CACNG2: variants seen among roughly 807,000 people sequenced by gnomAD.
The protein encoded by CACNG2 is calcium voltage-gated channel auxiliary subunit gamma 2, also known as voltage-dependent calcium channel gamma-2 subunit.
In CACNG2, 3 loss-of-function variants were observed where a neutral mutation model predicts 25.9. That is an observed-to-expected ratio of 0.12 (90% CI 0.05 to 0.30). The LOEUF (loss-of-function observed/expected upper bound fraction) is 0.30. CACNG2 is among the 10% of genes least tolerant of loss of function. CACNG2 has a pLI of 1.00. For synonymous variants in CACNG2, 167 were observed against 173.3 expected (o/e 0.96, Z 0.29); for missense variants, 341 against 432.5 (o/e 0.79, Z 1.88).
intron 2 of CACNG2, among the ~76,000 whole-genome samples, chr22:36,577,769 G>A (rs1935348815): frequency 6.6e-6 from 1 of 152,144 alleles, no homozygotes; most frequent in Non-Finnish European, 1.5e-5. Flanking sequence ...GCAGATGTGA[G>A]TGAGTACAAG....
At chr22:36,608,463 C>G (rs897626832) in intron 1 of CACNG2, among the ~76,000 whole-genome samples, 4 of 152,232 alleles carry the variant, frequency 2.6e-5, no homozygotes, top group African/African-American at 4.8e-5. Context: ...TCTGTTCTCT[C>G]TCTCTCAGTA....
chr22:36,651,119 T>A (rs1936606580), intron 1 of CACNG2, among the ~76,000 whole-genome samples: 1 of 152,126 alleles, frequency 6.6e-6, no homozygotes, highest in African/African-American at 2.4e-5. Context: ...ATTCTAGGCA[T>A]GCAAACACTG....
intron 2 of CACNG2, among the ~76,000 whole-genome samples, chr22:36,578,566 A>G (rs1315000824): frequency 1.3e-5 from 2 of 152,112 alleles, no homozygotes; most frequent in Non-Finnish European, 2.9e-5. Context: ...TATTCTAAGT[A>G]ACAACCTCGG....
chr22:36,664,389 G>T (rs987292694), intron 1 of CACNG2, among the ~76,000 whole-genome samples: 20 of 152,248 alleles, frequency 1.3e-4, no homozygotes, highest in African/African-American at 4.1e-4. Flanking sequence ...GCAGTGAACA[G>T]GATGAGCAAG....
In CACNG2 at chr22:36,643,514, ATCTATCT is replaced by A. The variant is rs1385089736; in HGVS notation, c.212-55973_212-55967del. Among the ~76,000 whole-genome samples, 3 of 151,002 alleles carry A rather than the reference ATCTATCT, an allele frequency of 2.0e-5. No homozygotes were observed. The East Asian group carries it at 5.8e-4, about 29-fold the overall frequency. Reference sequence around the variant, plus strand: ...TATCTATCTATCTATCTATCTATCTATCTATCTATCCATCATGTGCAGTGACCTGAAA... The same window carrying A: ...TATCTATCTATCTATCTATCTATCTAATCCATCATGTGCAGTGACCTGAAA... On this transcript the variant is annotated intron_variant, in intron 1 of 3. Transcript: ENST00000300105.
intron 1 of CACNG2, among the ~76,000 whole-genome samples, chr22:36,690,897 A>G (rs1937260283): frequency 6.6e-6 from 1 of 152,206 alleles, no homozygotes; most frequent in African/African-American, 2.4e-5. Flanking sequence ...ACATTGAGCA[A>G]TCTCACCGTA....
intron 1 of CACNG2, among the ~76,000 whole-genome samples, chr22:36,701,431 C>G (rs758357612): frequency 1.9e-4 from 29 of 152,160 alleles, no homozygotes; most frequent in Non-Finnish European, 3.7e-4. Flanking sequence ...AGCCTTTACA[C>G]CGTGGCGGCT....
chr22:36,573,636 T>G (rs9622418), intron 2 of CACNG2, among the ~76,000 whole-genome samples: 27,342 of 152,120 alleles, frequency 0.18, 3,066 homozygotes, highest in Admixed American at 0.27. Flanking sequence ...ATGGCCTATA[T>G]AGGTATTTTA....
chr22:36,583,301 CGG>C (rs1935450260), intron 2 of CACNG2, among the ~76,000 whole-genome samples: 1 of 151,878 alleles, frequency 6.6e-6, no homozygotes, highest in African/African-American at 2.4e-5. Flanking sequence ...GATGTGGTGG[CGG>C]GTGCCTGTAA....
intron 2 of CACNG2, among the ~76,000 whole-genome samples, chr22:36,580,672 C>G (rs1030899640): frequency 6.6e-6 from 1 of 152,158 alleles, no homozygotes. Flanking sequence ...GACCATACCC[C>G]GCAGTCCTGG....
At chr22:36,569,175 A>T (rs986840427) in intron 2 of CACNG2, among the ~76,000 whole-genome samples, 1 of 152,156 alleles carries the variant, frequency 6.6e-6, no homozygotes, top group African/African-American at 2.4e-5. Flanking sequence ...TTAAACACCC[A>T]TTCGGTGTTG....
intron 1 of CACNG2, among the ~76,000 whole-genome samples, chr22:36,678,012 A>C (rs1368895317): frequency 6.6e-6 from 1 of 152,232 alleles, no homozygotes; most frequent in African/African-American, 2.4e-5. Context: ...CTCAGCTTTT[A>C]TTTACAAAAT....
At chr22:36,585,510 C>T (rs1172984752) in intron 2 of CACNG2, 4 of 152,188 alleles carry the variant, frequency 2.6e-5, no homozygotes, top group African/African-American at 9.7e-5. Flanking sequence ...CAAACTATAC[C>T]AAATGAAGCC....
Position 36,564,392 on chromosome 22 carries a change from G to GA in CACNG2, c.930dup (p.Leu311SerfsTer74), listed in dbSNP as rs1451229769. On this transcript the variant is annotated frameshift_variant, in exon 4 of 4. Coordinates refer to ENST00000300105, the MANE Select transcript of CACNG2 (RefSeq NM_006078.5). LOFTEE classifies it high-confidence loss of function. The surrounding 1 kb of genome is among the most constrained non-coding windows in gnomAD (Gnocchi z 6.7). The stretch of plus-strand genomic sequence containing the variant: ...CGGCGGTTGGCTGTGTTGGAGTGGA[G>GA]AGAGTCCTTGTTCTCCTTCTGGATA... 1 of 1,614,082 alleles carries GA rather than the reference G, an allele frequency of 6.2e-7. No homozygotes were observed. Among genetic ancestry groups the GA allele is most frequent in the South Asian group, 1.1e-5 (1 of 91,078 alleles).
chr22:36,628,428 C>T (rs776734462), intron 1 of CACNG2, among the ~76,000 whole-genome samples: 3 of 152,210 alleles, frequency 2.0e-5, no homozygotes, highest in Non-Finnish European at 2.9e-5. Context: ...CTGCTCTGCA[C>T]GATGTGTGCA....
intron 1 of CACNG2, among the ~76,000 whole-genome samples, chr22:36,680,331 C>T (rs1004491271): frequency 1.5e-4 from 23 of 150,938 alleles, no homozygotes; most frequent in African/African-American, 2.2e-4. Flanking sequence ...TAATTACCAC[C>T]GCCATCACCA....
At chr22:36,603,769 T>C (rs766728819) in intron 1 of CACNG2, among the ~76,000 whole-genome samples, 2 of 152,210 alleles carry the variant, frequency 1.3e-5, no homozygotes, top group Non-Finnish European at 2.9e-5. Flanking sequence ...TATTAAGATC[T>C]ACTGCTCAGA....
intron 1 of CACNG2, among the ~76,000 whole-genome samples, chr22:36,662,146 T>A (rs939041459): frequency 2.0e-5 from 3 of 151,024 alleles, no homozygotes; most frequent in African/African-American, 7.3e-5. Context: ...ACCTGGCCAA[T>A]TTTTTTTGTA....
At chr22:36,574,451 G>A (rs1240657771) in intron 2 of CACNG2, among the ~76,000 whole-genome samples, 1 of 152,152 alleles carries the variant, frequency 6.6e-6, no homozygotes, top group African/African-American at 2.4e-5. Flanking sequence ...CCACTTAGGG[G>A]GACTGGGAGA....
Sources: gnomAD v4.1 joint callset for allele counts (sites outside exome capture counted in the v4.1 genomes callset) on GRCh38, gnomAD v4.1.1 for gene constraint, Gnocchi (gnomAD v3.1) non-coding constraint, MANE v1.5 for transcripts, NCBI Gene and HGNC (gene_info 2026-07-23, HGNC 2026-07-21) for gene names.